The following LRRC4C variants were observed in gnomAD, a reference collection of about 807,000 sequenced individuals.
LRRC4C encodes the protein leucine rich repeat containing 4C, also known as leucine-rich repeat-containing protein 4C.
LRRC4C carries 5 observed loss-of-function variants against 33.6 expected under a neutral mutation model. The observed-to-expected ratio is 0.15, with a 90% CI of 0.08 to 0.31. The LOEUF is 0.31. LRRC4C is among the 10% of genes least tolerant of loss of function. The pLI is 1.00. For missense variants in LRRC4C, 560 were observed against 796.7 expected (o/e 0.70, Z 3.58); for synonymous variants, 329 against 302.0 (o/e 1.09, Z -0.93).
chr11:40,843,349 C>T (rs11036097), intron 2 of LRRC4C, among the ~76,000 whole-genome samples: 95,903 of 152,034 alleles, frequency 0.63, 33,707 homozygotes, highest in East Asian at 0.86. Context: ...ATCTGAAAAT[C>T]CCCGTCTTAG....
intron 1 of LRRC4C, among the ~76,000 whole-genome samples, chr11:41,199,025 C>A (rs1946297715): frequency 6.6e-6 from 1 of 152,070 alleles, no homozygotes; most frequent in African/African-American, 2.4e-5. Context: ...CTCAACAAAT[C>A]AGTGTTTAAT....
chr11:40,577,379 T>C (rs904555976), intron 3 of LRRC4C, among the ~76,000 whole-genome samples: 1 of 152,182 alleles, frequency 6.6e-6, no homozygotes, highest in East Asian at 1.9e-4. Flanking sequence ...TAGTTTATAC[T>C]ACAAACAGGG....
chr11:40,395,001 TTGAAAGTCTAA>T (rs1590596095), intron 3 of LRRC4C, among the ~76,000 whole-genome samples: 1 of 152,128 alleles, frequency 6.6e-6, no homozygotes, highest in Non-Finnish European at 1.5e-5. Flanking sequence ...TGTCTATTCA[TTGAAAGTCTAA>T]TGATAGAGAC....
intron 3 of LRRC4C, among the ~76,000 whole-genome samples, chr11:40,364,971 C>A (rs1309411350): frequency 6.6e-6 from 1 of 151,616 alleles, no homozygotes; most frequent in Non-Finnish European, 1.5e-5. Context: ...AAATATCTTT[C>A]CATAATGAAG....
chr11:41,027,754 C>T lies in LRRC4C; in HGVS notation c.-495-94031G>A, dbSNP rs567723425. Among the ~76,000 whole-genome samples, 11 of 151,644 alleles carry T rather than the reference C, an allele frequency of 7.3e-5. No homozygotes were observed. In the East Asian group the frequency reaches 1.9e-3, roughly 27 times the overall value. ...AACCCAATGTGAATATTGTTGAGGG[C>T]CATGGAGTTTTTGAATTTGCTATTT... is the stretch of plus-strand genomic sequence containing the variant. On this transcript the variant is annotated intron_variant, in intron 1 of 6. Coordinates refer to ENST00000528697, the MANE Select transcript of LRRC4C (RefSeq NM_001258419.2).
intron 5 of LRRC4C, among the ~76,000 whole-genome samples, chr11:40,163,878 T>A (rs1165183523): frequency 6.6e-6 from 1 of 152,162 alleles, no homozygotes; most frequent in African/African-American, 2.4e-5. Flanking sequence ...ATTGCAAAAG[T>A]GGTGGGATTA....
intron 3 of LRRC4C, among the ~76,000 whole-genome samples, chr11:40,339,517 C>A (rs553772453): frequency 2.0e-5 from 3 of 152,264 alleles, no homozygotes; most frequent in Admixed American, 1.3e-4. Context: ...ATATTTACTG[C>A]ATTGTTCTCT....
At chr11:40,261,601 A>G (rs1941836153) in intron 4 of LRRC4C, among the ~76,000 whole-genome samples, 1 of 152,204 alleles carries the variant, frequency 6.6e-6, no homozygotes, top group Non-Finnish European at 1.5e-5. Flanking sequence ...TGAAAAGGGT[A>G]CAGTACAAGT....
chr11:40,350,884 T>G (rs1367882976), intron 3 of LRRC4C, among the ~76,000 whole-genome samples: 1 of 152,090 alleles, frequency 6.6e-6, no homozygotes, highest in African/African-American at 2.4e-5. Context: ...GATTTCATTT[T>G]CAGATTGCTT....
intron 1 of LRRC4C, among the ~76,000 whole-genome samples, chr11:41,423,050 C>T (rs1954925703): frequency 6.6e-6 from 1 of 152,084 alleles, no homozygotes; most frequent in African/African-American, 2.4e-5. Flanking sequence ...ATAATGACAA[C>T]ATGTCGGTTA....
At chr11:40,546,298 T>G (rs1326281744) in intron 3 of LRRC4C, among the ~76,000 whole-genome samples, 1 of 152,046 alleles carries the variant, frequency 6.6e-6, no homozygotes, top group Non-Finnish European at 1.5e-5. Context: ...CTGATGATAT[T>G]AATGATAATA....
chr11:41,132,925 G>A (rs1239451658), intron 1 of LRRC4C, among the ~76,000 whole-genome samples: 1 of 152,134 alleles, frequency 6.6e-6, no homozygotes, highest in South Asian at 2.1e-4. Flanking sequence ...AGTAAAAGGT[G>A]CTTGACTTTC....
At chr11:40,352,851 A>G (rs1399273895) in intron 3 of LRRC4C, among the ~76,000 whole-genome samples, 1 of 152,206 alleles carries the variant, frequency 6.6e-6, no homozygotes, top group Non-Finnish European at 1.5e-5. Flanking sequence ...TGGATATACT[A>G]TTCAGAGATA....
chr11:40,872,955 T>A (rs1954720355), intron 2 of LRRC4C, among the ~76,000 whole-genome samples: 1 of 152,146 alleles, frequency 6.6e-6, no homozygotes, highest in Non-Finnish European at 1.5e-5. Flanking sequence ...TATCATCAGG[T>A]CTTTTTATTA....
chr11:40,512,258 C>T (rs1485597672), intron 3 of LRRC4C, among the ~76,000 whole-genome samples: 1 of 152,062 alleles, frequency 6.6e-6, no homozygotes, highest in African/African-American at 2.4e-5. Flanking sequence ...ACCCGTAGTT[C>T]CAGCTACTCG....
chr11:41,371,672 A>T (rs1952752256), intron 1 of LRRC4C, among the ~76,000 whole-genome samples: 2 of 152,254 alleles, frequency 1.3e-5, no homozygotes, highest in African/African-American at 4.8e-5. Context: ...TAAATTAAAA[A>T]GCATGTAGAG....
At chr11:41,304,003 G>C (rs1159145885) in intron 1 of LRRC4C, among the ~76,000 whole-genome samples, 12 of 75,968 alleles carry the variant, frequency 1.6e-4, no homozygotes, top group Non-Finnish European at 2.6e-4. Flanking sequence ...GGTGGGGGGG[G>C]TCAGCCCCCC....
intron 1 of LRRC4C, among the ~76,000 whole-genome samples, chr11:41,279,945 A>T (rs143458386): frequency 1.7e-3 from 261 of 152,034 alleles, no homozygotes; most frequent in African/African-American, 5.9e-3. Flanking sequence ...TCCTTAGAGA[A>T]GGCTCATTAT....
intron 1 of LRRC4C, among the ~76,000 whole-genome samples, chr11:41,164,905 C>T (rs976062257): frequency 2.0e-5 from 3 of 152,078 alleles, no homozygotes; most frequent in Admixed American, 6.5e-5. Context: ...ATCCAGGGCT[C>T]GTGGCTCTGG....
Sources: allele counts gnomAD v4.1 joint callset (sites outside exome capture counted in the v4.1 genomes callset), GRCh38; gene constraint gnomAD v4.1.1; transcripts MANE v1.5; gene names NCBI Gene and HGNC (gene_info 2026-07-23, HGNC 2026-07-21).